SLC20A2: variants seen among roughly 807,000 people sequenced by gnomAD.
The protein encoded by SLC20A2 is sodium-dependent phosphate transporter 2.
SLC20A2 carries 30 observed loss-of-function variants against 61.0 expected under a neutral mutation model. That is an observed-to-expected ratio of 0.49 (90% CI 0.37 to 0.67). SLC20A2 has a LOEUF of 0.67. SLC20A2 is among the 30% of genes least tolerant of loss of function. The probability of loss-of-function intolerance (pLI) is 0.00; values close to 1 mark genes in which losing one functional copy is unlikely to be tolerated. For missense variants in SLC20A2, 626 were observed against 866.4 expected (o/e 0.72, Z 3.48); for synonymous variants, 351 against 353.3 (o/e 0.99, Z 0.07).
intron 2 of SLC20A2, among the ~76,000 whole-genome samples, chr8:42,468,087 A>G (rs748178888): frequency 2.2e-4 from 34 of 152,088 alleles, no homozygotes; most frequent in Non-Finnish European, 4.7e-4. Context: ...TATTTTTAGT[A>G]GAGACGGGGT....
At chr8:42,481,092 G>A (rs1394927693) in intron 1 of SLC20A2, among the ~76,000 whole-genome samples, 1 of 152,128 alleles carries the variant, frequency 6.6e-6, no homozygotes, top group Non-Finnish European at 1.5e-5. Context: ...GTATCTTGAT[G>A]GTGCCAAGGA....
At chr8:42,475,853 G>C (rs922876641) in intron 1 of SLC20A2, among the ~76,000 whole-genome samples, 1 of 151,318 alleles carries the variant, frequency 6.6e-6, no homozygotes, top group Non-Finnish European at 1.5e-5. Context: ...TGGTGGGTGG[G>C]AGGGAATACG....
At chr8:42,537,605 T>C (rs1185635651) in intron 1 of SLC20A2, 2 of 152,226 alleles carry the variant, frequency 1.3e-5, no homozygotes, top group Non-Finnish European at 2.9e-5. Context: ...TCCTATGTCC[T>C]GGTGAATCAC....
chr8:42,463,855 T>TA (rs1220660687), intron 3 of SLC20A2, among the ~76,000 whole-genome samples: 1 of 152,034 alleles, frequency 6.6e-6, no homozygotes, highest in Non-Finnish European at 1.5e-5. Flanking sequence ...ATGATTCTTG[T>TA]AAAAAATTGA....
chr8:42,430,547 G>A (rs1448063556), intron 8 of SLC20A2, among the ~76,000 whole-genome samples: 1 of 152,154 alleles, frequency 6.6e-6, no homozygotes, highest in Non-Finnish European at 1.5e-5. Context: ...ATTTTTAGTA[G>A]AGATGGGGTT....
At chr8:42,465,007 A>G (rs1652358433) in intron 3 of SLC20A2, among the ~76,000 whole-genome samples, 1 of 151,994 alleles carries the variant, frequency 6.6e-6, no homozygotes, top group Non-Finnish European at 1.5e-5. Flanking sequence ...ACAAAACATA[A>G]CAAAACAAAA....
At chr8:42,470,941 T>G (rs1359029041) in intron 2 of SLC20A2, 1 of 316,632 alleles carries the variant, frequency 3.2e-6, no homozygotes, top group Non-Finnish European at 6.0e-6. Flanking sequence ...ACTATTGCAC[T>G]CCAGCCTGGG....
chr8:42,423,330 A>T (rs1803166663), intron 10 of SLC20A2, among the ~76,000 whole-genome samples: 1 of 136,074 alleles, frequency 7.3e-6, no homozygotes, highest in Non-Finnish European at 1.5e-5. Flanking sequence ...ACTTATCTTT[A>T]AACTTTTTTT....
At chr8:42,478,576 GGT>G (rs942255000) in intron 1 of SLC20A2, among the ~76,000 whole-genome samples, 6 of 152,022 alleles carry the variant, frequency 3.9e-5, no homozygotes, top group African/African-American at 1.4e-4. Flanking sequence ...CTCAATCTAG[GGT>G]GTATTTACCC....
At chr8:42,494,181 A>C (rs1487744125) in intron 1 of SLC20A2, among the ~76,000 whole-genome samples, 1 of 152,198 alleles carries the variant, frequency 6.6e-6, no homozygotes, top group Non-Finnish European at 1.5e-5. Context: ...TTTGATAAAT[A>C]TAGAAAATGA....
intron 1 of SLC20A2, among the ~76,000 whole-genome samples, chr8:42,507,403 C>CT (rs1404562743): frequency 6.6e-6 from 1 of 151,508 alleles, no homozygotes; most frequent in Non-Finnish European, 1.5e-5. Flanking sequence ...GACGCAAACT[C>CT]TTCAAGACAG....
chr8:42,432,912 C>T (rs1263054902), intron 8 of SLC20A2, among the ~76,000 whole-genome samples: 1 of 152,200 alleles, frequency 6.6e-6, no homozygotes, highest in African/African-American at 2.4e-5. Flanking sequence ...CCAAAAACTT[C>T]ATGGGTATTG....
At chr8:42,491,694 T>A (rs1446742888) in intron 1 of SLC20A2, among the ~76,000 whole-genome samples, 2 of 151,976 alleles carry the variant, frequency 1.3e-5, no homozygotes, top group African/African-American at 4.8e-5. Context: ...TCACTCTATT[T>A]CTCTTGATGA....
intron 5 of SLC20A2, among the ~76,000 whole-genome samples, chr8:42,450,553 T>C (rs1010714506): frequency 6.6e-6 from 1 of 150,888 alleles, no homozygotes; most frequent in African/African-American, 2.4e-5. Context: ...AGATGGAGTC[T>C]CGCTCTGTCG....
intron 1 of SLC20A2, among the ~76,000 whole-genome samples, chr8:42,514,774 A>G (rs1374503178): frequency 6.6e-6 from 1 of 151,980 alleles, no homozygotes; most frequent in African/African-American, 2.4e-5. Flanking sequence ...AAAAAGAAAA[A>G]AAAAAAGCCC....
At chr8:42,430,535 G>A (rs1732924585) in intron 8 of SLC20A2, among the ~76,000 whole-genome samples, 2 of 152,066 alleles carry the variant, frequency 1.3e-5, no homozygotes, top group African/African-American at 4.8e-5. Context: ...GCTAATTTTT[G>A]TATTTTTAGT....
At chr8:42,463,482 A>G (rs1229742189) in intron 3 of SLC20A2, 1 of 154,162 alleles carries the variant, frequency 6.5e-6, no homozygotes, top group Admixed American at 6.5e-5. Flanking sequence ...AGCTGGGCCA[A>G]CTTCCATTTC....
intron 1 of SLC20A2, among the ~76,000 whole-genome samples, chr8:42,518,239 C>A (rs1450466271): frequency 6.6e-6 from 1 of 152,184 alleles, no homozygotes; most frequent in South Asian, 2.1e-4. Flanking sequence ...CACGCCCAGA[C>A]AACTTTTTTT....
intron 3 of SLC20A2, among the ~76,000 whole-genome samples, chr8:42,464,090 ATCTTTTTTTTT>A (rs1292812063): frequency 1.0e-4 from 2 of 19,996 alleles, no homozygotes; most frequent in African/African-American, 2.2e-4. Flanking sequence ...AGGCTGGATG[ATCTTTTTTTTT>A]TTTTTTTTTT....
Sources: gnomAD v4.1 joint callset for allele counts (sites outside exome capture counted in the v4.1 genomes callset) on GRCh38, gnomAD v4.1.1 for gene constraint, MANE v1.5 for transcripts, NCBI Gene and HGNC (gene_info 2026-07-23, HGNC 2026-07-21) for gene names.